The following PGAP6 variants were observed in gnomAD, a reference collection of about 807,000 sequenced individuals.
PGAP6 encodes the protein post-GPI attachment to proteins factor 6.
PGAP6 carries 62 observed loss-of-function variants against 68.4 expected under a neutral mutation model. The ratio of observed to expected loss-of-function variants is 0.91; its 90% CI spans 0.74 to 1.12. The LOEUF (loss-of-function observed/expected upper bound fraction) is 1.12. Among genes scored for constraint, PGAP6 ranks in the 50% most tolerant of loss-of-function variants. The probability of loss-of-function intolerance (pLI) is 0.00; values close to 1 mark genes in which losing one functional copy is unlikely to be tolerated. For missense variants in PGAP6, 1,188 were observed against 1,068.5 expected (o/e 1.11, Z -1.56); for synonymous variants, 575 against 474.0 (o/e 1.21, Z -2.77).
rs1368636589 is a variant in PGAP6 at position 376,406 on chromosome 16, T to G, written c.954A>C (p.Gln318His). 6.2e-7 allele frequency: 1 copy of G among 1,600,274 alleles called. No individual in the cohort carries two copies. Among genetic ancestry groups the G allele is most frequent in the Non-Finnish European group, 8.5e-7 (1 of 1,172,218 alleles). ...CAGAGGAGGCATTGAAGCTCTGGTT[T>G]TGGCTGCTCTGCAGAAGGGGCTGGA... ...VTIQPLLQSS[Q>H]NQSFNASSGL... Residue 318 changes from glutamine to histidine, a missense_variant, in exon 6 of 13, where the codon CAA (glutamine) becomes CAC (histidine). Physicochemically the swap from Gln to His is conservative, Grantham distance 24. Transcript: ENST00000431232.
chr16:376,444 G>A lies in PGAP6; in HGVS notation c.916C>T (p.Arg306Trp), dbSNP rs756124191. ...AVAALTACRP[R>W]SVTIQPLLQS... ...AGAAGGGGCTGGATGGTCACGCTCC[G>A]TGGCCTGCAAGCTGCCGAGAGGACA... Residue 306 changes from arginine (R) to tryptophan (W), a missense_variant, in exon 6 of 13, where the codon CGG becomes TGG. Transcript: ENST00000431232. 29 of 1,564,788 alleles carry A rather than the reference G, an allele frequency of 1.9e-5. 1 individual carries two copies. Among genetic ancestry groups the A allele is most frequent in the South Asian group, 6.0e-5 (5 of 83,758 alleles).
Position 381,964 on chromosome 16 carries a change from G to A in PGAP6, c.-143C>T, listed in dbSNP as rs1463087147. Reference sequence around the variant, plus strand: ...CATGGCCCGGCCGGTCCCCGCCGCCGTCGCCCCGGGCACTTCCGCCCGCAG... The same window carrying A: ...CATGGCCCGGCCGGTCCCCGCCGCCATCGCCCCGGGCACTTCCGCCCGCAG... On this transcript the variant is annotated 5_prime_UTR_variant, in exon 1 of 13. It adds an upstream start codon to the 5' untranslated region. Coordinates refer to ENST00000431232, the MANE Select transcript of PGAP6 (RefSeq NM_021259.3). 1.0e-6 allele frequency: 1 copy of A among 973,668 alleles called. No individual in the cohort carries two copies. The highest frequency in any genetic ancestry group is 1.2e-6 in the Non-Finnish European group (1 of 820,350). 60.3% of individuals were successfully genotyped at this position (973,668 alleles called of 1,614,324 possible). A position where few individuals can be genotyped will look rare whatever the true frequency, so the allele number is the denominator to read the frequency against.
At chr16:385,435 C>T (rs532852249), upstream of PGAP6, among the ~76,000 whole-genome samples, 14 of 148,562 alleles carry the variant, frequency 9.4e-5, no homozygotes, top group Non-Finnish European at 1.3e-4. Context: ...CCTCAGCCTC[C>T]CGAGTTGCTG....
At chr16:374,614 T>G (rs1597159080) in intron 9 of PGAP6, 142 bp downstream of exon 9, 1 of 1,220,530 alleles carries the variant, frequency 8.2e-7, no homozygotes, top group Non-Finnish European at 1.1e-6. Flanking sequence ...AATGGGGGAG[T>G]GGGGAGGAGG....
At position 381,743 on chromosome 16, in the gene PGAP6, C is replaced by A; in HGVS notation, c.79G>T (p.Ala27Ser). The change falls in exon 1 of 13, where the codon GCC becomes TCC. Residue 27 changes from alanine (A) to serine (S), a missense_variant. Physicochemically the swap from Ala to Ser is moderately conservative, Grantham distance 99. Transcript: ENST00000431232. ...CCGGCGGAGGCAGGCGGGGGCCGGG[C>A]AAGCAGCAGCAGCAGCAGCGGCCCC... ...VAGPLLLLLL[A>S]RPPPASAGYS... The A allele has an allele frequency of 8.2e-7, 1 of 1,213,058 alleles. No individual in the cohort carries two copies. Among genetic ancestry groups the A allele is most frequent in the South Asian group, 3.5e-5 (1 of 28,306 alleles). 75.1% of individuals were successfully genotyped at this position (1,213,058 alleles called of 1,614,324 possible). A position where few individuals can be genotyped will look rare whatever the true frequency, so the allele number is the denominator to read the frequency against.
chr16:374,168 T>G lies in PGAP6; in HGVS notation c.1756-17A>C, dbSNP rs769720021. The G allele has an allele frequency of 1.2e-6, 2 of 1,610,658 alleles. No homozygotes were observed. The highest frequency in any genetic ancestry group is 1.3e-5 in the African/African-American group (1 of 75,034). ...GTGGTAGAACTGTGGGGAGGCTCCA[T>G]GAGCGCGGTCCTGCCCTCCCACCCC... On this transcript the variant is annotated splice_polypyrimidine_tract_variant and intron_variant, in intron 10 of 12. Transcript: ENST00000431232.
chr16:382,043 C>A, upstream of PGAP6: 2 of 611,250 alleles, frequency 3.3e-6, no homozygotes, highest in Non-Finnish European at 4.2e-6. Flanking sequence ...GGGGGCGGGA[C>A]CGGGGGGGGC....
In PGAP6 at chr16:376,760, C is replaced by A; in HGVS notation, c.688G>T (p.Val230Leu). 6.2e-7 allele frequency: 1 copy of A among 1,610,892 alleles called. No homozygotes were observed. The highest frequency in any genetic ancestry group is 1.3e-5 in the African/African-American group (1 of 75,016). The change falls in exon 5 of 13, where the codon GTG (valine) becomes TTG (leucine). Residue 230 changes from valine (V) to leucine (L), a missense_variant. Transcript: ENST00000431232. ...RELLLELRDC[V>L]SNGSLGCPVR... is the part of the protein sequence containing the mutation. ...GGGCAGCCCAGGCTCCCATTGGACA[C>A]GCAGTCCCGCAGCTCCAGCAGAAGC...
rs2054443193 is a variant in PGAP6, at chr16:381,908, C to T, written c.-87G>A. On this transcript the variant is annotated 5_prime_UTR_variant, in exon 1 of 13. Coordinates refer to ENST00000431232, the MANE Select transcript of PGAP6 (RefSeq NM_021259.3). ...CCCGGGCAGCCTCTGCCGCCTCCGC[C>T]TCTGCCGCCTCCGCCTCTGCCCCCG... is the stretch of plus-strand genomic sequence containing the variant. The T allele has an allele frequency of 1.6e-5, 15 of 967,708 alleles. No homozygotes were observed. The highest frequency in any genetic ancestry group is 1.8e-5 in the Non-Finnish European group (15 of 816,172). 59.9% of individuals were successfully genotyped at this position (967,708 alleles called of 1,614,324 possible). A position where few individuals can be genotyped will look rare whatever the true frequency, so the allele number is the denominator to read the frequency against.
At chr16:385,482 T>C (rs1048989575), upstream of PGAP6, among the ~76,000 whole-genome samples, 9 of 148,888 alleles carry the variant, frequency 6.0e-5, no homozygotes, top group African/African-American at 2.2e-4. Flanking sequence ...TGGCTAATTT[T>C]TTTTGTTTTT....
chr16:377,694 G>A lies in PGAP6; in HGVS notation c.276C>T (p.Ala92=). ...ACACGGTGATCTCCGCGTCGGTGCA[G>A]GCAGCGCCGCTCTCCCGGGAGACCT... is the stretch of plus-strand genomic sequence containing the variant. ...LLQVSRESGA[A]CTDAEITVHF... The change falls in exon 2 of 13, where the codon GCC becomes GCT. Residue 92 remains alanine, a synonymous_variant. Coordinates refer to ENST00000431232, the MANE Select transcript of PGAP6 (RefSeq NM_021259.3). 6.3e-7 allele frequency: 1 copy of A among 1,591,322 alleles called. No individual in the cohort carries two copies. Among genetic ancestry groups the A allele is most frequent in the Non-Finnish European group, 8.5e-7 (1 of 1,169,992 alleles).
At chr16:377,237 C>A in intron 3 of PGAP6, 73 bp from the exon 4 acceptor site, 2 of 1,603,728 alleles carry the variant, frequency 1.2e-6, no homozygotes, top group Non-Finnish European at 1.7e-6. Context: ...TCACCAGACG[C>A]CCCCGGCATG....
chr16:376,017 G>A (rs866327920), intron 6 of PGAP6, 119 bp downstream of exon 6: 23 of 1,077,278 alleles, frequency 2.1e-5, no homozygotes, highest in Admixed American at 1.1e-4. Context: ...GTCTTGGCCC[G>A]TGCCTGCTGG....
At chr16:379,290 C>T (rs1370665459) in intron 1 of PGAP6, among the ~76,000 whole-genome samples, 7 of 152,184 alleles carry the variant, frequency 4.6e-5, no homozygotes, top group East Asian at 1.9e-4. Flanking sequence ...CTGCCAGCCT[C>T]GTGACCCTCC....
upstream of PGAP6, chr16:382,090 T>A: frequency 2.2e-5 from 4 of 179,928 alleles, 1 homozygote; most frequent in South Asian, 6.2e-4. Context: ...GGGGCGCCGG[T>A]AGGGGGGAGG....
chr16:379,187 A>C (rs905833253), intron 1 of PGAP6, among the ~76,000 whole-genome samples: 5 of 152,074 alleles, frequency 3.3e-5, no homozygotes, highest in African/African-American at 1.2e-4. Flanking sequence ...CCCTCCCCAC[A>C]CACTCAGGAG....
Position 371,849 on chromosome 16 carries a change from T to C in PGAP6, c.*138A>G, listed in dbSNP as rs189245166. 4.6e-6 allele frequency: 4 copies of C among 870,258 alleles called. No homozygotes were observed. The highest frequency in any genetic ancestry group is 5.2e-5 in the East Asian group (2 of 38,386). The allele number at this position is 870,258 out of a possible 1,614,324, so 53.9% of individuals were successfully genotyped here. On this transcript the variant is annotated 3_prime_UTR_variant, in exon 13 of 13. Coordinates refer to ENST00000431232, the MANE Select transcript of PGAP6 (RefSeq NM_021259.3). ...GAGGGAGGGGTGGCCCTCTCCTCAG[T>C]AGGAGGAAGTAAGAGGGTATCTAGG...
At position 376,760 on chromosome 16, in the gene PGAP6, C is replaced by T. The variant is rs751937806; in HGVS notation, c.688G>A (p.Val230Met). The T allele has an allele frequency of 2.3e-5, 37 of 1,610,890 alleles. No homozygotes were observed. The highest frequency in any genetic ancestry group is 2.0e-4 in the South Asian group (18 of 91,022). ...RELLLELRDC[V>M]SNGSLGCPVR... ...GGGCAGCCCAGGCTCCCATTGGACA[C>T]GCAGTCCCGCAGCTCCAGCAGAAGC... Residue 230 changes from valine to methionine, a missense_variant, in exon 5 of 13, where the codon GTG (valine) becomes ATG (methionine). Coordinates refer to ENST00000431232, the MANE Select transcript of PGAP6 (RefSeq NM_021259.3).
rs1006587545 is a variant in PGAP6 at position 381,191 on chromosome 16, G to C, written c.121+510C>G. On this transcript the variant is annotated intron_variant, in intron 1 of 12. Coordinates refer to ENST00000431232, the MANE Select transcript of PGAP6 (RefSeq NM_021259.3). ...CTGGGAGTCCCTCCTCCCAGAAGCC[G>C]GGCCGGCGGCAGGAAGCGGCCGTAC... 3.9e-5 allele frequency among the ~76,000 whole-genome samples: 6 copies of C among 152,240 alleles called. No homozygotes were observed. In the East Asian group the frequency reaches 7.7e-4, roughly 20 times the overall value.
Sources: gnomAD v4.1 joint callset for allele counts (sites outside exome capture counted in the v4.1 genomes callset) on GRCh38, gnomAD v4.1.1 for gene constraint, MANE v1.5 for transcripts, NCBI Gene and HGNC (gene_info 2026-07-23, HGNC 2026-07-21) for gene names.